WASHC2C: variants seen among roughly 807,000 people sequenced by gnomAD.
The protein encoded by WASHC2C is Vaccinia Penetration Factor.
A neutral mutation model predicts 142.2 loss-of-function variants in WASHC2C; 73 were observed. The ratio of observed to expected loss-of-function variants is 0.51; its 90% confidence interval spans 0.43 to 0.62. The LOEUF (loss-of-function observed/expected upper bound fraction) is 0.62, where lower values mean the gene tolerates loss of function less well. WASHC2C is among the 20% of genes least tolerant of loss of function. The pLI is 0.00. For synonymous variants in WASHC2C, 337 were observed against 565.5 expected (o/e 0.60, Z 5.73); for missense variants, 969 against 1,531.7 (o/e 0.63, Z 6.13).
At chr10:45,727,673 A>G in intron 2 of WASHC2C, 134 bp downstream of exon 2, 1 of 1,270,290 alleles carries the variant, frequency 7.9e-7, no homozygotes, top group South Asian at 1.6e-5. Flanking sequence ...CGCCCCGTTT[A>G]GCCCCCGAGA....
intron 19 of WASHC2C, among the ~76,000 whole-genome samples, chr10:45,768,374 G>T (rs1228997821): frequency 2.0e-5 from 3 of 151,952 alleles, no homozygotes; most frequent in Non-Finnish European, 4.4e-5. Flanking sequence ...GGATTTCAGC[G>T]TTTAGTCACT....
Position 45,785,802 on chromosome 10 carries a change from A to G in WASHC2C, c.2811+171A>G, listed in dbSNP as rs147000692. 4,249 of 1,151,596 alleles carry G rather than the reference A, an allele frequency of 3.7e-3. 102 individuals are homozygous for G. In the African/African-American group the frequency reaches 0.054, roughly 15 times the overall value. The allele number at this position is 1,151,596 out of a possible 1,614,324, so 71.3% of individuals were successfully genotyped here. On this transcript the variant is annotated intron_variant, in intron 26 of 30. Coordinates refer to ENST00000623400, the MANE Select transcript of WASHC2C (RefSeq NM_001330074.2). ...CCCCCGAGTCATCTCCCCTCTCCTC[A>G]CTCCACACGCCAGAGTTTCATGAAT...
At chr10:45,737,827 C>A (rs1195214143) in intron 3 of WASHC2C, among the ~76,000 whole-genome samples, 156 bp from the exon 4 acceptor site, 2 of 149,078 alleles carry the variant, frequency 1.3e-5, no homozygotes, top group African/African-American at 5.0e-5. Flanking sequence ...CCATGACCCA[C>A]TGTTACGGAC....
Position 45,786,040 on chromosome 10 carries a change from G to A in WASHC2C, c.2811+409G>A, listed in dbSNP as rs576185421. ...CTCCCGAGGTCATTGCTGTTGGGCC[G>A]TACTCTGCAGCAGTCTTCTCAGAAC... On this transcript the variant is annotated intron_variant, in intron 26 of 30. Transcript: ENST00000623400. The A allele has an allele frequency of 5.8e-4, 157 of 271,814 alleles. 5 individuals are homozygous for A. The Admixed American group carries it at 7.7e-3, about 13-fold the overall frequency. 16.8% of individuals were successfully genotyped at this position (271,814 alleles called of 1,614,324 possible). A position where few individuals can be genotyped will look rare whatever the true frequency, so the allele number is the denominator to read the frequency against.
intron 17 of WASHC2C, among the ~76,000 whole-genome samples, chr10:45,761,849 AGGAGGGGCACGGGAT>A (rs1340430827): frequency 6.6e-6 from 1 of 152,210 alleles, no homozygotes; most frequent in African/African-American, 2.4e-5. Context: ...TGTAACATGC[AGGAGGGGCACGGGAT>A]GCCTGGAATC....
At position 45,786,616 on chromosome 10, in the gene WASHC2C, C is replaced by T. The variant is rs782172557; in HGVS notation, c.2816C>T (p.Ser939Leu). 2.1e-5 allele frequency: 34 copies of T among 1,611,328 alleles called. No homozygotes were observed. The highest frequency in any genetic ancestry group is 3.3e-5 in the Admixed American group (2 of 59,986). ...ACTGGATGTAATCTTACACAGGACT[C>T]ATCAGGTCTCGCTCCATTTAAAACC... ...GIWKPETPQD[S>L]SGLAPFKTKE... Residue 939 changes from serine to leucine, a missense_variant, in exon 27 of 31, where the codon TCA becomes TTA. Coordinates refer to ENST00000623400, the MANE Select transcript of WASHC2C (RefSeq NM_001330074.2).
chr10:45,775,805 A>G (rs1343555604), intron 21 of WASHC2C, among the ~76,000 whole-genome samples: 1 of 150,366 alleles, frequency 6.7e-6, no homozygotes, highest in African/African-American at 2.4e-5. Context: ...CAGCCTCCCT[A>G]GTAGCTGGGA....
At chr10:45,759,712 A>G (rs1270202337) in intron 17 of WASHC2C, among the ~76,000 whole-genome samples, 1 of 152,130 alleles carries the variant, frequency 6.6e-6, no homozygotes, top group African/African-American at 2.4e-5. Flanking sequence ...CCAGTTACTC[A>G]GAAGGCTGAG....
intron 16 of WASHC2C, among the ~76,000 whole-genome samples, chr10:45,758,041 T>A (rs1554878212): frequency 6.6e-6 from 1 of 152,286 alleles, no homozygotes; most frequent in African/African-American, 2.4e-5. Context: ...TTGGTCTCCT[T>A]AATCTAGAGC....
chr10:45,773,095 C>T (rs1305700964), intron 20 of WASHC2C, among the ~76,000 whole-genome samples, 161 bp from the exon 21 acceptor site: 1 of 142,140 alleles, frequency 7.0e-6, no homozygotes, highest in Middle Eastern at 3.2e-3. Flanking sequence ...TTTCAAAGGT[C>T]TTTCCTGTTT....
chr10:45,727,504 A>G lies in WASHC2C; in HGVS notation c.91A>G (p.Ser31Gly), dbSNP rs771285534. The G allele has an allele frequency of 1.2e-6, 2 of 1,602,174 alleles. No individual in the cohort carries two copies. The highest frequency in any genetic ancestry group is 1.3e-5 in the African/African-American group (1 of 74,760). ...GTGGTCGGTGGAGGAGATCCGCAGG[A>G]GCAGCCAGAGCTGGTCGCTGGCGGC... ...RPWSVEEIRR[S>G]SQSWSLAADA... Residue 31 changes from serine to glycine, a missense_variant, in exon 2 of 31, where the codon AGC becomes GGC. Transcript: ENST00000623400.
chr10:45,763,702 T>C (rs2055413428), intron 18 of WASHC2C, among the ~76,000 whole-genome samples: 2 of 151,756 alleles, frequency 1.3e-5, no homozygotes, highest in Non-Finnish European at 2.9e-5. Flanking sequence ...ATTAGATTCT[T>C]GACGCAGTTC....
At chr10:45,790,635 C>T (rs1228437050) in intron 30 of WASHC2C, 102 bp downstream of exon 30, 164 of 1,499,428 alleles carry the variant, frequency 1.1e-4, no homozygotes, top group Non-Finnish European at 1.5e-4. Flanking sequence ...AAAATGCACC[C>T]CAGCGGGTTC....
intron 3 of WASHC2C, among the ~76,000 whole-genome samples, chr10:45,736,107 T>TAAA (rs113659681): frequency 5.0e-5 from 7 of 139,814 alleles, no homozygotes; most frequent in African/African-American, 1.9e-4. Context: ...CCATCTCTAC[T>TAAA]AAAAAAAAAA....
intron 30 of WASHC2C, among the ~76,000 whole-genome samples, chr10:45,791,155 T>TC (rs2058371673): frequency 6.6e-6 from 1 of 151,782 alleles, no homozygotes; most frequent in South Asian, 2.1e-4. Context: ...CATTTCCTAC[T>TC]CCCCCCGTCA....
rs2055717755 is a variant in WASHC2C, at chr10:45,765,712, C to T, written c.1771C>T (p.Gln591Ter). 6.2e-7 allele frequency: 1 copy of T among 1,611,984 alleles called. No homozygotes were observed. The highest frequency in any genetic ancestry group is 1.7e-5 in the Admixed American group (1 of 60,006). ...TTTTGGGGGTACAGCTGCTAAGAAG[C>T]AGACATTGTCTCTACAAGCTCAGAG... ...NLFGGTAAKK[Q>*]TLSLQAQREE... Residue 591 changes from glutamine to a stop codon, truncating the protein, a stop_gained, in exon 19 of 31, where the codon CAG (glutamine) becomes TAG (stop). Transcript: ENST00000623400. LOFTEE classifies it high-confidence loss of function.
intron 19 of WASHC2C, among the ~76,000 whole-genome samples, chr10:45,768,916 G>A (rs1251564891): frequency 6.6e-6 from 1 of 152,128 alleles, no homozygotes; most frequent in East Asian, 1.9e-4. Flanking sequence ...CATCGTGGCA[G>A]GTGTTGGAGG....
chr10:45,757,782 C>G (rs1412302199), intron 16 of WASHC2C, among the ~76,000 whole-genome samples: 1 of 152,204 alleles, frequency 6.6e-6, no homozygotes, highest in South Asian at 2.1e-4. Context: ...TTCACAATAG[C>G]GTTTGCCTTC....
At chr10:45,753,962 C>T (rs2053925345) in intron 13 of WASHC2C, among the ~76,000 whole-genome samples, 1 of 151,500 alleles carries the variant, frequency 6.6e-6, no homozygotes, top group Admixed American at 6.6e-5. Flanking sequence ...TTGGAGGCCG[C>T]TCCTTGTGCC....
Sources: gnomAD v4.1 joint callset for allele counts (sites outside exome capture counted in the v4.1 genomes callset) on GRCh38, gnomAD v4.1.1 for gene constraint, MANE v1.5 for transcripts, NCBI Gene and HGNC (gene_info 2026-07-23, HGNC 2026-07-21) for gene names.